Variants in TENM1 observed in about 807,000 individuals in gnomAD.
TENM1 encodes the protein teneurin-1.
In TENM1, 35 loss-of-function variants were observed where a neutral mutation model predicts 174.8. That is an observed-to-expected ratio of 0.20 (90% CI 0.15 to 0.27). The LOEUF (loss-of-function observed/expected upper bound fraction) is 0.27, where lower values mean the gene tolerates loss of function less well. TENM1 is among the 10% of genes least tolerant of loss of function. TENM1 has a pLI of 1.00. For missense variants in TENM1, 1,633 were observed against 2,130.1 expected (o/e 0.77, Z 4.59); for synonymous variants, 781 against 798.7 (o/e 0.98, Z 0.37).
the TENM1 span, among the ~76,000 whole-genome samples, chrX:125,097,604 CATTTA>C: frequency 8.9e-6 from 1 of 112,048 alleles, no homozygotes; most frequent in Non-Finnish European, 1.9e-5. Flanking sequence ...TAGTTCCTTC[CATTTA>C]ATTTACTAAA....
upstream of TENM1, among the ~76,000 whole-genome samples, chrX:124,968,238 ATTCAT>A (rs1310008357): frequency 8.9e-6 from 1 of 112,163 alleles, no homozygotes; most frequent in Non-Finnish European, 1.9e-5. Context: ...ATTTCAACGA[ATTCAT>A]TTCAACTTAA....
chrX:124,567,429 CTT>C (rs2048966227), intron 11 of TENM1, among the ~76,000 whole-genome samples: 1 of 111,985 alleles, frequency 8.9e-6, no homozygotes, highest in African/African-American at 3.2e-5. Context: ...CAAGAGGACA[CTT>C]TTCAATAAAG....
chrX:125,191,644 G>A, the TENM1 span, among the ~76,000 whole-genome samples: 3 of 111,863 alleles, frequency 2.7e-5, no homozygotes, highest in Admixed American at 1.9e-4. Context: ...ACAGTGCTTT[G>A]CCTAGGAAGC....
At chrX:124,811,103 A>G (rs2055761076) in intron 3 of TENM1, among the ~76,000 whole-genome samples, 1 of 111,305 alleles carries the variant, frequency 9.0e-6, no homozygotes, top group Non-Finnish European at 1.9e-5. Context: ...TCTCCATAAT[A>G]TTGGCTTGGG....
intron 1 of TENM1, among the ~76,000 whole-genome samples, chrX:124,911,478 G>C (rs1275904664): frequency 2.7e-5 from 3 of 111,768 alleles, no homozygotes; most frequent in South Asian, 7.5e-4. Flanking sequence ...AGCAAAGTGA[G>C]GGACTCACTC....
intron 27 of TENM1, among the ~76,000 whole-genome samples, chrX:124,396,683 T>G (rs2147638324): frequency 9.0e-6 from 1 of 111,274 alleles, no homozygotes; most frequent in Non-Finnish European, 1.9e-5. Flanking sequence ...TACCTACTAC[T>G]GGGTTTGTGG....
At chrX:124,411,228 G>A (rs1256914646) in intron 25 of TENM1, among the ~76,000 whole-genome samples, 1 of 111,474 alleles carries the variant, frequency 9.0e-6, no homozygotes, top group Admixed American at 9.5e-5. Context: ...CATATTGACG[G>A]TGGTATATTC....
At chrX:124,424,127 A>G (rs1244853701) in intron 23 of TENM1, among the ~76,000 whole-genome samples, 1 of 112,516 alleles carries the variant, frequency 8.9e-6, no homozygotes, top group Non-Finnish European at 1.9e-5. Context: ...AGTATGAGAA[A>G]ATACATTTCT....
At chrX:124,457,200 GT>G (rs1297022814) in intron 22 of TENM1, among the ~76,000 whole-genome samples, 1 of 111,854 alleles carries the variant, frequency 8.9e-6, no homozygotes, top group Non-Finnish European at 1.9e-5. Flanking sequence ...CAGACAGCAT[GT>G]TTAGCTTGGA....
the TENM1 span, among the ~76,000 whole-genome samples, chrX:125,099,211 G>C: frequency 1.8e-5 from 2 of 111,875 alleles, no homozygotes; most frequent in Admixed American, 9.5e-5. Context: ...TTGCTAGTTT[G>C]TCTGTTTGGG....
chrX:124,917,249 A>G lies in TENM1; in HGVS notation c.218-21008T>C, dbSNP rs374344090. 4.5e-5 allele frequency among the ~76,000 whole-genome samples: 5 copies of G among 111,771 alleles called. No individual in the cohort carries two copies. In the South Asian group the frequency reaches 1.5e-3, roughly 34 times the overall value. On this transcript the variant is annotated intron_variant, in intron 1 of 31. Transcript: ENST00000422452. ...GGGAGTCTTGACAGTTTTCCAGTCCATGACTCCAACCTGTGTTCCAGTTTT... is the reference window on the plus strand; with the variant it reads ...GGGAGTCTTGACAGTTTTCCAGTCCGTGACTCCAACCTGTGTTCCAGTTTT...
the TENM1 span, among the ~76,000 whole-genome samples, chrX:124,987,081 G>A: frequency 4.5e-5 from 5 of 111,443 alleles, no homozygotes; most frequent in Admixed American, 9.6e-5. Context: ...TGGCGTGCTC[G>A]GAGTTTTCCT....
intron 21 of TENM1, among the ~76,000 whole-genome samples, chrX:124,482,672 T>C (rs902338411): frequency 4.5e-5 from 5 of 112,192 alleles, no homozygotes; most frequent in African/African-American, 1.6e-4. Context: ...CTCCTAAAAG[T>C]GACCCTAAAG....
At chrX:124,683,226 A>C (rs1358165071) in intron 5 of TENM1, among the ~76,000 whole-genome samples, 1 of 111,615 alleles carries the variant, frequency 9.0e-6, no homozygotes, top group Non-Finnish European at 1.9e-5. Flanking sequence ...CACCTAGAGA[A>C]AGGAAATGCT....
chrX:124,507,746 CAAGGT>C (rs2047484403), intron 18 of TENM1, among the ~76,000 whole-genome samples: 1 of 111,488 alleles, frequency 9.0e-6, no homozygotes. Flanking sequence ...ATTAAGTAGC[CAAGGT>C]AAAGGTGCCA....
At chrX:124,943,794 C>T (rs929525036) in intron 1 of TENM1, among the ~76,000 whole-genome samples, 2 of 111,891 alleles carry the variant, frequency 1.8e-5, no homozygotes, top group Non-Finnish European at 3.8e-5. Flanking sequence ...TATGTTTCCA[C>T]TTCTCATGAA....
chrX:124,505,910 C>A (rs1359151043), intron 18 of TENM1, among the ~76,000 whole-genome samples: 1 of 111,304 alleles, frequency 9.0e-6, no homozygotes, highest in African/African-American at 3.3e-5. Flanking sequence ...CATTTGGTAA[C>A]TTCTGGTTGA....
chrX:124,469,952 A>C (rs912800430), intron 22 of TENM1, among the ~76,000 whole-genome samples: 6 of 111,690 alleles, frequency 5.4e-5, no homozygotes, highest in Non-Finnish European at 9.4e-5. Flanking sequence ...ACAAGCTACA[A>C]GACACCATTT....
At chrX:125,013,953 A>G in the TENM1 span, among the ~76,000 whole-genome samples, 4 of 112,022 alleles carry the variant, frequency 3.6e-5, no homozygotes, top group African/African-American at 1.3e-4. Context: ...ACAAATACCT[A>G]TAAGCAGAAT....
Sources: gnomAD v4.1 joint callset for allele counts (sites outside exome capture counted in the v4.1 genomes callset) on GRCh38, gnomAD v4.1.1 for gene constraint, MANE v1.5 for transcripts, NCBI Gene and HGNC (gene_info 2026-07-23, HGNC 2026-07-21) for gene names.